Variants in UTRN observed in about 807,000 individuals in gnomAD.
UTRN encodes the protein utrophin, also known as dystrophin-related protein 1.
In UTRN, 283 loss-of-function variants were observed where a neutral mutation model predicts 463.9. The ratio of observed to expected loss-of-function variants is 0.61; its 90% CI spans 0.55 to 0.67. The LOEUF is 0.67. UTRN is among the 30% of genes least tolerant of loss of function. UTRN has a pLI of 0.00. For missense variants in UTRN, 3,922 were observed against 4,084.3 expected (o/e 0.96, Z 1.08); for synonymous variants, 1,442 against 1,431.5 (o/e 1.01, Z -0.17).
intron 52 of UTRN, among the ~76,000 whole-genome samples, chr6:144,696,839 A>C (rs151251327): frequency 2.0e-5 from 3 of 152,272 alleles, no homozygotes; most frequent in African/African-American, 7.2e-5. Flanking sequence ...TCTCACACTT[A>C]CTCACACTAT....
At chr6:144,749,695 A>AC (rs1177708588) in intron 55 of UTRN, among the ~76,000 whole-genome samples, 1 of 152,210 alleles carries the variant, frequency 6.6e-6, no homozygotes, top group African/African-American at 2.4e-5. Context: ...ATAACACCTG[A>AC]CCATAAAAAG....
intron 1 of UTRN, among the ~76,000 whole-genome samples, chr6:144,291,165 C>T (rs952498521): frequency 2.6e-5 from 4 of 152,186 alleles, no homozygotes; most frequent in African/African-American, 9.7e-5. Flanking sequence ...GATAAAGACA[C>T]AAACCCTTGA....
At chr6:144,687,606 C>T (rs1224930607) in intron 52 of UTRN, among the ~76,000 whole-genome samples, 2 of 152,054 alleles carry the variant, frequency 1.3e-5, no homozygotes, top group Non-Finnish European at 2.9e-5. Flanking sequence ...TTGCTGAATA[C>T]AAAATTCTTG....
chr6:144,782,044 G>C lies in UTRN; in HGVS notation c.8755G>C (p.Glu2919Gln), dbSNP rs372933420. Residue 2919 changes from glutamate (E) to glutamine (Q), a missense_variant, in exon 61 of 75, where the codon GAG becomes CAG. By Grantham distance (29) the Glu-to-Gln change is conservative. Transcript: ENST00000367545. ...TCTGACAACAACTTATGATGGACTTGAGCAAATGCATAAGGACCTGGTCAA... is the reference window on the plus strand; with the variant it reads ...TCTGACAACAACTTATGATGGACTTCAGCAAATGCATAAGGACCTGGTCAA... ...NCLTTTYDGL[E>Q]QMHKDLVNVP... is the part of the protein sequence containing the mutation. 2 of 1,614,016 alleles carry C rather than the reference G, an allele frequency of 1.2e-6. No individual in the cohort carries two copies. Among genetic ancestry groups the C allele is most frequent in the Non-Finnish European group, 1.7e-6 (2 of 1,179,954 alleles).
chr6:144,349,157 C>T (rs929142613), intron 2 of UTRN, among the ~76,000 whole-genome samples: 2 of 152,096 alleles, frequency 1.3e-5, no homozygotes, highest in Non-Finnish European at 2.9e-5. Context: ...TACAGGCGCC[C>T]GCCATCACGC....
chr6:144,298,609 A>G (rs956799393), intron 2 of UTRN, among the ~76,000 whole-genome samples: 2 of 152,242 alleles, frequency 1.3e-5, no homozygotes, highest in African/African-American at 2.4e-5. Flanking sequence ...TGTCTTTCAT[A>G]GCAGTGGAGC....
chr6:144,778,211 G>A (rs1384950265), intron 60 of UTRN, among the ~76,000 whole-genome samples: 2 of 152,176 alleles, frequency 1.3e-5, no homozygotes, highest in African/African-American at 4.8e-5. Flanking sequence ...TAGGAGGGGA[G>A]ATCAGGGTCT....
Position 144,458,856 on chromosome 6 carries a change from G to A in UTRN, c.2371G>A (p.Glu791Lys), listed in dbSNP as rs370631244. The A allele has an allele frequency of 1.3e-4, 204 of 1,613,570 alleles. 3 individuals carry two copies. In the South Asian group the frequency reaches 2.0e-3, roughly 16 times the overall value. ...TGTATCTCAACATTTGGAAGATCTA[G>A]AAAGAAAGATTCAGCTACAGGAAGA... ...KNVSQHLEDLERKIQLQEDIN... is the reference protein window; with the variant it reads ...KNVSQHLEDLKRKIQLQEDIN... Residue 791 changes from glutamate to lysine, a missense_variant, in exon 20 of 75, where the codon GAA (glutamate) becomes AAA (lysine). Transcript: ENST00000367545.
chr6:144,848,296 A>G lies in UTRN; in HGVS notation c.10293+1469A>G, dbSNP rs1782194863. Among the ~76,000 whole-genome samples, 3 of 152,210 alleles carry G rather than the reference A, an allele frequency of 2.0e-5. No homozygotes were observed. The South Asian group carries it at 6.2e-4, about 32-fold the overall frequency. ...TGAATTTAACATGAGGCCATTCTGC[A>G]GGGTTGTAAGTTGCCCTCTAGGCAT... On this transcript the variant is annotated intron_variant, in intron 74 of 74. Coordinates refer to ENST00000367545, the MANE Select transcript of UTRN (RefSeq NM_007124.3).
chr6:144,386,757 A>T (rs1781454766), intron 2 of UTRN, among the ~76,000 whole-genome samples: 1 of 152,114 alleles, frequency 6.6e-6, no homozygotes, highest in African/African-American at 2.4e-5. Flanking sequence ...ATTGCATTTT[A>T]GCGGATGTGC....
chr6:144,646,899 G>T (rs2128664742), intron 51 of UTRN, among the ~76,000 whole-genome samples: 1 of 152,250 alleles, frequency 6.6e-6, no homozygotes, highest in South Asian at 2.1e-4. Flanking sequence ...GAGACCCAAT[G>T]TGGTGGGTAA....
At chr6:144,465,306 TATTCTCCCAAA>T (rs1342589932) in intron 23 of UTRN, among the ~76,000 whole-genome samples, 1 of 152,188 alleles carries the variant, frequency 6.6e-6, no homozygotes, top group African/African-American at 2.4e-5. Flanking sequence ...AGAGAATAAA[TATTCTCCCAAA>T]ATACAAAAGA....
intron 65 of UTRN, among the ~76,000 whole-genome samples, chr6:144,803,395 C>T (rs1451170595): frequency 1.3e-5 from 2 of 151,702 alleles, no homozygotes; most frequent in Non-Finnish European, 2.9e-5. Flanking sequence ...TGATACTGAC[C>T]TACACTGAAA....
intron 56 of UTRN, among the ~76,000 whole-genome samples, chr6:144,753,577 C>T (rs927627618): frequency 6.6e-6 from 1 of 151,872 alleles, no homozygotes; most frequent in Non-Finnish European, 1.5e-5. Flanking sequence ...TATGTTTGTG[C>T]CACCGCACTC....
intron 51 of UTRN, among the ~76,000 whole-genome samples, chr6:144,606,241 A>C (rs141734120): frequency 6.6e-6 from 1 of 152,212 alleles, no homozygotes; most frequent in Non-Finnish European, 1.5e-5. Context: ...TCCTACACAA[A>C]ACACAACTTC....
intron 65 of UTRN, among the ~76,000 whole-genome samples, chr6:144,813,820 T>TG (rs1778842625): frequency 6.6e-6 from 1 of 152,218 alleles, no homozygotes; most frequent in Non-Finnish European, 1.5e-5. Context: ...GGTTTTGCCA[T>TG]GCGCAGAGGC....
chr6:144,590,906 T>C (rs1802998157), intron 51 of UTRN, among the ~76,000 whole-genome samples: 1 of 149,184 alleles, frequency 6.7e-6, no homozygotes, highest in Non-Finnish European at 1.5e-5. Flanking sequence ...ACACATAAGG[T>C]TGTTGTAGGA....
chr6:144,676,127 T>C (rs1347236332), intron 51 of UTRN, among the ~76,000 whole-genome samples: 1 of 152,040 alleles, frequency 6.6e-6, no homozygotes, highest in East Asian at 1.9e-4. Flanking sequence ...TGCATGCAAT[T>C]GTTTTGGATA....
intron 51 of UTRN, among the ~76,000 whole-genome samples, chr6:144,675,992 AT>A (rs1435734954): frequency 1.3e-5 from 2 of 152,194 alleles, no homozygotes; most frequent in Non-Finnish European, 2.9e-5. Flanking sequence ...AAAAAAATTT[AT>A]AATAATTCTA....
Sources: gnomAD v4.1 joint callset for allele counts (sites outside exome capture counted in the v4.1 genomes callset) on GRCh38, gnomAD v4.1.1 for gene constraint, MANE v1.5 for transcripts, NCBI Gene and HGNC (gene_info 2026-07-23, HGNC 2026-07-21) for gene names.